Variants in ACYP2 observed in about 807,000 individuals in gnomAD.
The protein encoded by ACYP2 is acylphosphatase-2.
In ACYP2, 12 loss-of-function variants were observed where a neutral mutation model predicts 11.2. The observed-to-expected ratio is 1.08, with a 90% confidence interval of 0.69 to 1.74. ACYP2 has a LOEUF of 1.74. Among genes scored for constraint, ACYP2 ranks in the 40% most tolerant of loss-of-function variants. The pLI is 0.00. For missense variants in ACYP2, 134 were observed against 101.9 expected, an observed-to-expected ratio of 1.31 and a Z score of -1.35; for synonymous variants, 43 against 32.2, an observed-to-expected ratio of 1.33 and a Z score of -1.13.
intron 4 of ACYP2, among the ~76,000 whole-genome samples, chr2:54,088,281 T>A (rs1678044150): frequency 6.6e-6 from 1 of 152,136 alleles, no homozygotes; most frequent in South Asian, 2.1e-4. Context: ...TCATGTTGGA[T>A]CATGTTCAAC....
At chr2:54,076,748 G>A (rs1268268078) in intron 4 of ACYP2, among the ~76,000 whole-genome samples, 1 of 152,120 alleles carries the variant, frequency 6.6e-6, no homozygotes, top group Non-Finnish European at 1.5e-5. Flanking sequence ...CAGCCATTTG[G>A]CTTGGCCTGG....
chr2:54,116,609 C>T (rs1225302806), intron 4 of ACYP2, among the ~76,000 whole-genome samples: 1 of 150,822 alleles, frequency 6.6e-6, no homozygotes, highest in African/African-American at 2.4e-5. Context: ...TTTCCTTTGA[C>T]AATAAGGCTC....
At chr2:53,995,812 C>T (rs1445855726) in intron 2 of ACYP2, among the ~76,000 whole-genome samples, 1 of 152,026 alleles carries the variant, frequency 6.6e-6, no homozygotes, top group African/African-American at 2.4e-5. Context: ...CCACATATTT[C>T]CAAAGCGTTT....
intron 2 of ACYP2, among the ~76,000 whole-genome samples, chr2:53,989,180 C>T (rs1672165499): frequency 6.6e-6 from 1 of 152,092 alleles, no homozygotes. Context: ...CCAGCATGTG[C>T]CTGCTGGCAC....
chr2:54,123,460 T>C, intron 4 of ACYP2: 1 of 398,588 alleles, frequency 2.5e-6, no homozygotes, highest in Non-Finnish European at 4.4e-6. Context: ...TTTTTTTGTG[T>C]GTGTGGCATT....
chr2:54,027,502 A>G lies in ACYP2; in HGVS notation c.63-23456A>G, dbSNP rs533398804. ...TCTTCCAATCATACTTCAGACTATC[A>G]TAAAAATACACAGTTTTTCTGGGTC... On this transcript the variant is annotated intron_variant, in intron 2 of 6. Transcript: ENST00000607452. Among the ~76,000 whole-genome samples, 5 of 152,314 alleles carry G rather than the reference A, an allele frequency of 3.3e-5. No individual in the cohort carries two copies. The South Asian group carries it at 1.0e-3, about 32-fold the overall frequency.
At chr2:54,157,700 T>C (rs912877510) in intron 6 of ACYP2, among the ~76,000 whole-genome samples, 5 of 152,226 alleles carry the variant, frequency 3.3e-5, no homozygotes, top group Non-Finnish European at 7.3e-5. Context: ...CAAGATACTT[T>C]CAAATAGTAG....
intron 4 of ACYP2, among the ~76,000 whole-genome samples, chr2:54,097,876 C>G (rs552479138): frequency 3.9e-5 from 5 of 129,190 alleles, no homozygotes; most frequent in African/African-American, 6.0e-5. Flanking sequence ...CTCTTTCTCT[C>G]TCTCTCTCTC....
At chr2:54,154,840 A>G (rs1016487484) in intron 6 of ACYP2, among the ~76,000 whole-genome samples, 6 of 152,186 alleles carry the variant, frequency 3.9e-5, no homozygotes, top group Non-Finnish European at 5.9e-5. Context: ...AGAGTTCAAA[A>G]AGGATTGATA....
At position 54,225,115 on chromosome 2, in the gene ACYP2, G is replaced by C. The variant is rs188557903; in HGVS notation, c.405-79573G>C. On this transcript the variant is annotated intron_variant, in intron 6 of 6. Coordinates refer to ENST00000607452, the MANE Select transcript of ACYP2 (RefSeq NM_001320586.2). ...AGTTCCAACCATTTCAGGTAATATT[G>C]TCTACAGTGTGCTGAGTGCCATGTT... Among the ~76,000 whole-genome samples the C allele has an allele frequency of 2.0e-5, 3 of 152,278 alleles. No homozygotes were observed. In the East Asian group the frequency reaches 5.8e-4, roughly 29 times the overall value.
intron 6 of ACYP2, among the ~76,000 whole-genome samples, chr2:54,149,674 T>C (rs1011093613): frequency 2.0e-5 from 3 of 152,234 alleles, no homozygotes; most frequent in Non-Finnish European, 2.9e-5. Flanking sequence ...TATTTGGAGA[T>C]AGCCAAATTC....
At chr2:54,258,351 A>C (rs1374649014) in intron 6 of ACYP2, among the ~76,000 whole-genome samples, 1 of 152,196 alleles carries the variant, frequency 6.6e-6, no homozygotes, top group African/African-American at 2.4e-5. Flanking sequence ...GGAGGAGAGC[A>C]TTTCAGCACG....
At chr2:54,243,245 T>C (rs1355908794) in intron 6 of ACYP2, among the ~76,000 whole-genome samples, 1 of 152,208 alleles carries the variant, frequency 6.6e-6, no homozygotes, top group African/African-American at 2.4e-5. Context: ...TGTGCAAATA[T>C]TGTAGGGTAG....
intron 6 of ACYP2, among the ~76,000 whole-genome samples, chr2:54,174,479 A>T (rs1411039372): frequency 3.9e-5 from 6 of 152,268 alleles, no homozygotes; most frequent in Non-Finnish European, 7.4e-5. Context: ...AATAGGGACA[A>T]TTTGACTTCC....
At chr2:54,120,042 G>A (rs1680053295) in intron 4 of ACYP2, among the ~76,000 whole-genome samples, 1 of 152,234 alleles carries the variant, frequency 6.6e-6, no homozygotes, top group Non-Finnish European at 1.5e-5. Context: ...GAGGTGAAGT[G>A]CTGCTCTTGT....
intron 6 of ACYP2, among the ~76,000 whole-genome samples, chr2:54,192,465 C>T (rs375805102): frequency 7.9e-5 from 12 of 151,912 alleles, no homozygotes; most frequent in East Asian, 5.8e-4. Flanking sequence ...CTGTGAAATC[C>T]GAAAGTCTGA....
chr2:54,095,699 C>A (rs1295606283), intron 4 of ACYP2, among the ~76,000 whole-genome samples: 1 of 130,746 alleles, frequency 7.6e-6, no homozygotes, highest in Non-Finnish European at 1.7e-5. Context: ...GGCGGCTGGC[C>A]GGGCAGAGGG....
chr2:54,224,545 A>C (rs1685928346), intron 6 of ACYP2, among the ~76,000 whole-genome samples: 1 of 152,216 alleles, frequency 6.6e-6, no homozygotes, highest in East Asian at 1.9e-4. Context: ...GTAGAAAACC[A>C]ATTAGAAAAG....
intron 4 of ACYP2, among the ~76,000 whole-genome samples, chr2:54,126,184 A>G (rs953965384): frequency 6.6e-6 from 1 of 152,240 alleles, no homozygotes; most frequent in Non-Finnish European, 1.5e-5. Context: ...ATAGGTAATA[A>G]TAACGTATGT....
Sources: allele counts gnomAD v4.1 joint callset (sites outside exome capture counted in the v4.1 genomes callset), GRCh38; gene constraint gnomAD v4.1.1; transcripts MANE v1.5; gene names NCBI Gene and HGNC (gene_info 2026-07-23, HGNC 2026-07-21).